The following SVIP variants were observed in gnomAD, a reference collection of about 807,000 sequenced individuals.
SVIP encodes the protein small VCP interacting protein, also known as small VCP/p97-interacting protein.
Under a neutral mutation model 12.9 loss-of-function variants are expected in SVIP, and 14 were observed. The ratio of observed to expected loss-of-function variants is 1.08; its 90% CI spans 0.72 to 1.70. SVIP has a LOEUF of 1.70. SVIP is among the 40% of genes most tolerant of loss of function. SVIP has a pLI of 0.00. For missense variants in SVIP, 93 were observed against 90.8 expected (o/e 1.02, Z -0.10); for synonymous variants, 35 against 33.3 (o/e 1.05, Z -0.17).
intron 1 of SVIP, among the ~76,000 whole-genome samples, chr11:22,828,174 A>C (rs1857793956): frequency 6.6e-6 from 1 of 152,212 alleles, no homozygotes; most frequent in Non-Finnish European, 1.5e-5. Flanking sequence ...AATGTTTACA[A>C]ATACAAAAAG....
intron 3 of SVIP, among the ~76,000 whole-genome samples, chr11:22,826,124 A>C (rs1034549019): frequency 6.6e-6 from 1 of 152,240 alleles, no homozygotes; most frequent in Non-Finnish European, 1.5e-5. Flanking sequence ...AACTAATTAT[A>C]TATTGCTAAA....
intron 3 of SVIP, among the ~76,000 whole-genome samples, chr11:22,825,378 C>T (rs1009069438): frequency 6.6e-6 from 1 of 152,072 alleles, no homozygotes; most frequent in Non-Finnish European, 1.5e-5. Flanking sequence ...CAGAATGGAG[C>T]ATGCCACTTG....
At chr11:22,826,747 G>A (rs1182154397) in intron 3 of SVIP, among the ~76,000 whole-genome samples, 1 of 151,966 alleles carries the variant, frequency 6.6e-6, no homozygotes, top group African/African-American at 2.4e-5. Flanking sequence ...TAATAAACAG[G>A]GGCAATGGAA....
chr11:22,829,584 C>T (rs1279664034), intron 1 of SVIP, 111 bp downstream of exon 1: 3 of 1,157,524 alleles, frequency 2.6e-6, no homozygotes, highest in East Asian at 2.7e-5. Context: ...GCAGGGTCCC[C>T]CAGCGGGCTC....
In SVIP at chr11:22,827,335, A is replaced by T. The variant is rs1434820451; in HGVS notation, c.106-15T>A. 1.3e-6 allele frequency: 2 copies of T among 1,583,500 alleles called. No homozygotes were observed. Among genetic ancestry groups the T allele is most frequent in the Non-Finnish European group, 1.7e-6 (2 of 1,167,992 alleles). On this transcript the variant is annotated splice_polypyrimidine_tract_variant and intron_variant, in intron 2 of 3. Transcript: ENST00000354193. ...CGAGATGCAGCCTTGAAGAAATTTG[A>T]TAAGAAAAACAGAAAGACAACAAAA...
chr11:22,829,697 G>C lies in SVIP; in HGVS notation c.52C>G (p.Leu18Val). 1 of 1,601,788 alleles carries C rather than the reference G, an allele frequency of 6.2e-7. No homozygotes were observed. Among genetic ancestry groups the C allele is most frequent in the Non-Finnish European group, 8.5e-7 (1 of 1,175,210 alleles). The change falls in exon 1 of 4, where the codon CTG becomes GTG. Residue 18 changes from leucine (L) to valine (V), a missense_variant and splice_region_variant. Coordinates refer to ENST00000354193, the MANE Select transcript of SVIP (RefSeq NM_148893.3). ...ACGCAGGGACCTGCTCTACTCACCA[G>C]GTCCGGCGTGGGAGGCGCGGACTCC... ...PGESAPPTPD[L>V]EEKRAKLAEA... is the part of the protein sequence containing the mutation.
intron 1 of SVIP, 55 bp downstream of exon 1, chr11:22,829,640 C>G (rs1351244819): frequency 2.0e-6 from 3 of 1,526,050 alleles, no homozygotes; most frequent in Non-Finnish European, 2.7e-6. Flanking sequence ...CCCCGCAACC[C>G]GAGGACAGGT....
rs1237840876 is a variant in SVIP at position 22,820,775 on chromosome 11, A to G, written c.*2344T>C. 6.6e-6 allele frequency: 1 copy of G among 152,208 alleles called. No individual in the cohort carries two copies. The highest frequency in any genetic ancestry group is 1.5e-5 in the Non-Finnish European group (1 of 68,034). The allele number at this position is 152,208 out of a possible 1,614,324, so 9.4% of individuals were successfully genotyped here. A position where few individuals can be genotyped will look rare whatever the true frequency, so the allele number is the denominator to read the frequency against. On this transcript the variant is annotated 3_prime_UTR_variant, in exon 4 of 4. Transcript: ENST00000354193. ...CAGCACGTTACAAAGAGGCCGTGTA[A>G]TAATTCACAACTTTTGTTAGCAGCC...
chr11:22,827,169 C>T, intron 3 of SVIP, 38 bp downstream of exon 3: 2 of 1,476,902 alleles, frequency 1.4e-6, no homozygotes, highest in South Asian at 1.2e-5. Flanking sequence ...TTTTAAAATG[C>T]CAGTTAAGTT....
rs1276008291 is a variant in SVIP, at chr11:22,821,308, G to C, written c.*1811C>G. 6.6e-6 allele frequency: 1 copy of C among 151,724 alleles called. No homozygotes were observed. Among genetic ancestry groups the C allele is most frequent in the African/African-American group, 2.4e-5 (1 of 41,304 alleles). 9.4% of individuals were successfully genotyped at this position (151,724 alleles called of 1,614,324 possible). On this transcript the variant is annotated 3_prime_UTR_variant, in exon 4 of 4. Transcript: ENST00000354193. ...CTCCTGCGACCCATGTGGTTTTGGA[G>C]AAAGCTGATCACACTCACGGTGACA... is the stretch of plus-strand genomic sequence containing the variant.
At position 22,820,947 on chromosome 11, in the gene SVIP, C is replaced by G. The variant is rs1419144963; in HGVS notation, c.*2172G>C. Reference sequence around the variant, plus strand: ...ACATTTTAAGCATTATAATTTTCTCCTAAATTATTTACTATGGGAAATTGG... The same window carrying G: ...ACATTTTAAGCATTATAATTTTCTCGTAAATTATTTACTATGGGAAATTGG... On this transcript the variant is annotated 3_prime_UTR_variant, in exon 4 of 4. Transcript: ENST00000354193. The G allele has an allele frequency of 1.3e-5, 2 of 151,426 alleles. No homozygotes were observed. The highest frequency in any genetic ancestry group is 4.9e-5 in the African/African-American group (2 of 41,200). The allele number at this position is 151,426 out of a possible 1,614,324, so 9.4% of individuals were successfully genotyped here.
intron 3 of SVIP, among the ~76,000 whole-genome samples, chr11:22,825,534 C>T (rs959576262): frequency 6.6e-6 from 1 of 152,108 alleles, no homozygotes; most frequent in Admixed American, 6.6e-5. Context: ...GTCATTTTTA[C>T]TAAGTGAGTT....
Position 22,829,678 on chromosome 11 carries a change from G to T in SVIP, c.54+17C>A. The T allele has an allele frequency of 6.3e-7, 1 of 1,586,484 alleles. No individual in the cohort carries two copies. The highest frequency in any genetic ancestry group is 8.6e-7 in the Non-Finnish European group (1 of 1,167,552). On this transcript the variant is annotated intron_variant, in intron 1 of 3. Coordinates refer to ENST00000354193, the MANE Select transcript of SVIP (RefSeq NM_148893.3). ...TCAAGGCGCGGCCCGGCGGACGCAG[G>T]GACCTGCTCTACTCACCAGGTCCGG...
Position 22,822,722 on chromosome 11 carries a change from CAG to C in SVIP, c.*395_*396del, listed in dbSNP as rs1857527933. ...AAACATCTTCATAGTGAAATAAAAACAGATGTAACGCGATGCAGCACAAATAT... is the reference window on the plus strand; with the variant it reads ...AAACATCTTCATAGTGAAATAAAAACATGTAACGCGATGCAGCACAAATAT... On this transcript the variant is annotated 3_prime_UTR_variant, in exon 4 of 4. Transcript: ENST00000354193. 6.3e-6 allele frequency: 1 copy of C among 159,820 alleles called. No individual in the cohort carries two copies. The highest frequency in any genetic ancestry group is 1.9e-4 in the South Asian group (1 of 5,258). 9.9% of individuals were successfully genotyped at this position (159,820 alleles called of 1,614,324 possible).
At chr11:22,824,034 C>A (rs559070535) in intron 3 of SVIP, among the ~76,000 whole-genome samples, 1 of 152,294 alleles carries the variant, frequency 6.6e-6, no homozygotes, top group African/African-American at 2.4e-5. Flanking sequence ...TGACTGTGCT[C>A]AGCCTCTTCA....
At position 22,821,227 on chromosome 11, in the gene SVIP, T is replaced by C. The variant is rs1259276432; in HGVS notation, c.*1892A>G. On this transcript the variant is annotated 3_prime_UTR_variant, in exon 4 of 4. Transcript: ENST00000354193. ...GTTTCTCATAAGACATCCAGTCACT[T>C]CTTTTCCCTTGCCCTTTCCTAACAC... 1 of 151,328 alleles carries C rather than the reference T, an allele frequency of 6.6e-6. No homozygotes were observed. Among genetic ancestry groups the C allele is most frequent in the African/African-American group, 2.4e-5 (1 of 41,234 alleles). The allele number at this position is 151,328 out of a possible 1,614,324, so 9.4% of individuals were successfully genotyped here.
chr11:22,823,191 A>C (rs541539284), intron 3 of SVIP, 58 bp from the exon 4 acceptor site: 1 of 1,264,688 alleles, frequency 7.9e-7, no homozygotes, highest in Non-Finnish European at 1.1e-6. Flanking sequence ...ATATAACAGT[A>C]CTTCAGTGAA....
chr11:22,827,240 A>G lies in SVIP; in HGVS notation c.186T>C (p.Ala62=), dbSNP rs1042287118. The G allele has an allele frequency of 6.2e-7, 1 of 1,610,682 alleles. No individual in the cohort carries two copies. The highest frequency in any genetic ancestry group is 1.3e-5 in the African/African-American group (1 of 74,758). Residue 62 remains alanine, a synonymous_variant, in exon 3 of 4, where the codon GCT becomes GCC. Coordinates refer to ENST00000354193, the MANE Select transcript of SVIP (RefSeq NM_148893.3). ...KKKEKIEKQI[A]TSGPPPEGGL... Reference sequence around the variant, plus strand: ...CACCTTCTGGTGGGGGCCCGGATGTAGCAATTTGTTTTTCTATTTTTTCCT... The same window carrying G: ...CACCTTCTGGTGGGGGCCCGGATGTGGCAATTTGTTTTTCTATTTTTTCCT...
chr11:22,827,047 A>C (rs576815457), intron 3 of SVIP, among the ~76,000 whole-genome samples, 160 bp downstream of exon 3: 1 of 152,244 alleles, frequency 6.6e-6, no homozygotes, highest in African/African-American at 2.4e-5. Flanking sequence ...AATAAATGTT[A>C]AAATAAATTG....
Sources: allele counts gnomAD v4.1 joint callset (sites outside exome capture counted in the v4.1 genomes callset), GRCh38; gene constraint gnomAD v4.1.1; transcripts MANE v1.5; gene names NCBI Gene and HGNC (gene_info 2026-07-23, HGNC 2026-07-21).